The following FASTKD1 variants were observed in gnomAD, a reference collection of about 807,000 sequenced individuals.
FASTKD1 encodes the protein FAST kinase domain-containing protein 1, mitochondrial.
A neutral mutation model predicts 90.9 loss-of-function variants in FASTKD1; 94 were observed. The ratio of observed to expected loss-of-function variants is 1.03; its 90% CI spans 0.88 to 1.23. The LOEUF (loss-of-function observed/expected upper bound fraction) is 1.23. FASTKD1 is among the 50% of genes most tolerant of loss of function. The pLI is 0.00. For missense variants in FASTKD1, 945 were observed against 993.5 expected, an observed-to-expected ratio of 0.95 and a Z score of 0.66; for synonymous variants, 319 against 345.8, an observed-to-expected ratio of 0.92 and a Z score of 0.86.
intron 4 of FASTKD1, among the ~76,000 whole-genome samples, chr2:169,562,881 T>C (rs1273137461): frequency 1.3e-5 from 2 of 152,108 alleles, no homozygotes; most frequent in Non-Finnish European, 2.9e-5. Flanking sequence ...CTACTGCTAT[T>C]GCTATAAAAA....
chr2:169,537,000 T>C lies in FASTKD1; in HGVS notation c.2188+227A>G, dbSNP rs1399284113. The C allele has an allele frequency of 6.9e-5, 22 of 317,962 alleles. No individual in the cohort carries two copies. In the East Asian group the frequency reaches 1.6e-3, roughly 23 times the overall value. The allele number at this position is 317,962 out of a possible 1,614,324, so 19.7% of individuals were successfully genotyped here. On this transcript the variant is annotated intron_variant, in intron 12 of 14. Coordinates refer to ENST00000453153, the MANE Select transcript of FASTKD1 (RefSeq NM_024622.6). ...TTGGTGGAGGACTGACCTTAATTTT[T>C]TTTTTTTTTTTTCTAAAGAATAGAA... is the stretch of plus-strand genomic sequence containing the variant.
Position 169,571,790 on chromosome 2 carries a change from C to T in FASTKD1, c.240G>A (p.Lys80=). The T allele has an allele frequency of 6.2e-7, 1 of 1,614,088 alleles. No homozygotes were observed. Among genetic ancestry groups the T allele is most frequent in the Admixed American group, 1.7e-5 (1 of 60,000 alleles). The change falls in exon 2 of 15, where the codon AAG becomes AAA. Residue 80 remains lysine, a synonymous_variant. Coordinates refer to ENST00000453153, the MANE Select transcript of FASTKD1 (RefSeq NM_024622.6). ...CATTTTTTAACAGGCTGGTCTTCTG[C>T]TTTTGAAGCTTCCAAAGCATATCAA... ...CAFDMLWKLQ[K]QKTSLLKNAE...
chr2:169,572,242 A>T, intron 1 of FASTKD1, 71 bp from the exon 2 acceptor site: 1 of 416,400 alleles, frequency 2.4e-6, no homozygotes, highest in Non-Finnish European at 4.0e-6. Flanking sequence ...AATTCAAATT[A>T]AAGTAATACA....
chr2:169,536,556 A>T (rs537013550), intron 12 of FASTKD1, among the ~76,000 whole-genome samples: 207 of 152,196 alleles, frequency 1.4e-3, no homozygotes, highest in Non-Finnish European at 2.4e-3. Flanking sequence ...AATCCTTTTA[A>T]ATATCCTGTA....
At chr2:169,560,839 C>CA in intron 4 of FASTKD1, 54 bp from the exon 5 acceptor site, 2 of 246,384 alleles carry the variant, frequency 8.1e-6, no homozygotes, top group Non-Finnish European at 1.2e-5. Context: ...ATGATCAATT[C>CA]TTTTTTTTTT....
chr2:169,561,863 A>ATTTAT (rs1194348182), intron 4 of FASTKD1, among the ~76,000 whole-genome samples: 4 of 12,774 alleles, frequency 3.1e-4, no homozygotes, highest in Non-Finnish European at 6.4e-4. Flanking sequence ...TTATTGTAAA[A>ATTTAT]TAATTATTTA....
chr2:169,559,536 T>C (rs1253030710), intron 5 of FASTKD1, among the ~76,000 whole-genome samples: 1 of 152,194 alleles, frequency 6.6e-6, no homozygotes, highest in African/African-American at 2.4e-5. Flanking sequence ...GCTCAGGTGA[T>C]CCTCATGAGT....
At chr2:169,539,983 T>TA (rs1307026562) in intron 10 of FASTKD1, 68 bp downstream of exon 10, 1 of 985,812 alleles carries the variant, frequency 1.0e-6, no homozygotes, top group Non-Finnish European at 1.5e-6. Context: ...TTCTTCAGTA[T>TA]AGATAGACCT....
At chr2:169,548,835 C>G (rs927595462) in intron 7 of FASTKD1, among the ~76,000 whole-genome samples, 2 of 151,936 alleles carry the variant, frequency 1.3e-5, no homozygotes, top group African/African-American at 4.8e-5. Context: ...TAGCTCACTC[C>G]TGTAATCCCA....
chr2:169,562,071 AAATAATTATTT>A lies in FASTKD1; in HGVS notation c.572+1143_572+1153del, dbSNP rs1559157594. Among the ~76,000 whole-genome samples the A allele has an allele frequency of 3.6e-4, 44 of 120,932 alleles. 2 individuals are homozygous for A. The highest frequency in any genetic ancestry group is 9.9e-4 in the African/African-American group (32 of 32,326). The allele number at this position is 120,932 out of a possible 152,430, so 79.3% of individuals were successfully genotyped here. On this transcript the variant is annotated intron_variant, in intron 4 of 14. Transcript: ENST00000453153. ...ATTAATTATTTATTAATTTATTGTA[AAATAATTATTT>A]ATTAATTTATTGTAAAATAATTATT...
intron 7 of FASTKD1, among the ~76,000 whole-genome samples, chr2:169,554,443 C>G (rs1450270315): frequency 6.6e-6 from 1 of 151,826 alleles, no homozygotes; most frequent in Admixed American, 6.6e-5. Context: ...GCAGGTGGAT[C>G]ACCTGAGGTC....
intron 14 of FASTKD1, 31 bp downstream of exon 14, chr2:169,530,556 T>C: frequency 7.6e-7 from 1 of 1,316,574 alleles, no homozygotes; most frequent in Non-Finnish European, 1.1e-6. Flanking sequence ...TCTGGGCTTT[T>C]TAGAGGCTGA....
intron 14 of FASTKD1, 92 bp from the exon 15 acceptor site, chr2:169,530,018 A>G: frequency 3.5e-6 from 3 of 857,060 alleles, no homozygotes; most frequent in Non-Finnish European, 3.6e-6. Flanking sequence ...TCAAAGCTGT[A>G]GGAATCCTAT....
At chr2:169,543,594 T>C (rs1411080393) in intron 9 of FASTKD1, among the ~76,000 whole-genome samples, 1 of 152,156 alleles carries the variant, frequency 6.6e-6, no homozygotes, top group African/African-American at 2.4e-5. Flanking sequence ...TAGGAGAACG[T>C]CCTTATAACC....
intron 1 of FASTKD1, among the ~76,000 whole-genome samples, chr2:169,572,708 C>T (rs1053868872): frequency 2.0e-5 from 3 of 151,738 alleles, no homozygotes; most frequent in Non-Finnish European, 2.9e-5. Flanking sequence ...TCATTACTGG[C>T]CTTGGATAGG....
intron 1 of FASTKD1, among the ~76,000 whole-genome samples, chr2:169,572,632 C>G (rs1684284899): frequency 6.7e-6 from 1 of 150,164 alleles, no homozygotes; most frequent in African/African-American, 2.4e-5. Context: ...TTTCTTGTGC[C>G]CTTAAAGAGC....
rs1277418086 is a variant in FASTKD1 at position 169,554,286 on chromosome 2, A to T, written c.1214+838T>A. On this transcript the variant is annotated intron_variant, in intron 7 of 14. Coordinates refer to ENST00000453153, the MANE Select transcript of FASTKD1 (RefSeq NM_024622.6). ...GAGTGAGACCCTGTCTCTAAAAAAAAAAAAAAAAAAAAAAAAAAAAAAAAA... is the reference window on the plus strand; with the variant it reads ...GAGTGAGACCCTGTCTCTAAAAAAATAAAAAAAAAAAAAAAAAAAAAAAAA... 2.7e-4 allele frequency among the ~76,000 whole-genome samples: 6 copies of T among 22,484 alleles called. 1 individual carries two copies. Among genetic ancestry groups the T allele is most frequent in the African/African-American group, 1.3e-3 (6 of 4,552 alleles). 14.8% of individuals were successfully genotyped at this position (22,484 alleles called of 152,430 possible).
At chr2:169,566,985 G>C (rs1406236963) in intron 3 of FASTKD1, among the ~76,000 whole-genome samples, 1 of 151,978 alleles carries the variant, frequency 6.6e-6, no homozygotes, top group Non-Finnish European at 1.5e-5. Flanking sequence ...TGTGGTGGCA[G>C]GTGCCTGTAG....
intron 9 of FASTKD1, among the ~76,000 whole-genome samples, chr2:169,543,718 A>G (rs1190418143): frequency 6.6e-6 from 1 of 152,188 alleles, no homozygotes; most frequent in Admixed American, 6.5e-5. Context: ...CTGTGGGGCT[A>G]CAGTTCATTA....
Sources: allele counts gnomAD v4.1 joint callset (sites outside exome capture counted in the v4.1 genomes callset), GRCh38; gene constraint gnomAD v4.1.1; transcripts MANE v1.5; gene names NCBI Gene and HGNC (gene_info 2026-07-23, HGNC 2026-07-21).